PYM1: variants seen among roughly 807,000 people sequenced by gnomAD.
The protein encoded by PYM1 is PYM1 exon junction complex associated factor, also known as partner of Y14 and mago.
In PYM1, 7 loss-of-function variants were observed where a neutral mutation model predicts 20.7. The observed-to-expected ratio is 0.34, with a 90% CI of 0.19 to 0.64. The LOEUF (loss-of-function observed/expected upper bound fraction) is 0.64. Among genes scored for constraint, PYM1 ranks in the 30% least tolerant of loss-of-function variants. PYM1 has a pLI of 0.74. For missense variants in PYM1, 194 were observed against 250.0 expected, an observed-to-expected ratio of 0.78 and a Z score of 1.51; for synonymous variants, 100 against 99.2, an observed-to-expected ratio of 1.01 and a Z score of -0.05.
chr12:55,911,358 C>T (rs1403240989), intron 1 of PYM1, among the ~76,000 whole-genome samples: 4 of 151,940 alleles, frequency 2.6e-5, no homozygotes, highest in African/African-American at 7.2e-5. Flanking sequence ...GTGATCCACC[C>T]GCCTCGGCCT....
intron 1 of PYM1, among the ~76,000 whole-genome samples, chr12:55,920,871 T>C (rs868279642): frequency 6.6e-6 from 1 of 152,212 alleles, no homozygotes; most frequent in Non-Finnish European, 1.5e-5. Context: ...CTCATAAGGC[T>C]AAATGAAAAG....
At chr12:55,915,213 T>TAAAAAAA (rs1174981358) in intron 1 of PYM1, among the ~76,000 whole-genome samples, 21 of 48,948 alleles carry the variant, frequency 4.3e-4, no homozygotes, top group African/African-American at 1.0e-3. Flanking sequence ...AGACTCTGCC[T>TAAAAAAA]AAAAAAAAAA....
At position 55,902,112 on chromosome 12, in the gene PYM1, G is replaced by A; in HGVS notation, c.375C>T (p.Pro125=). Residue 125 remains proline (P), a synonymous_variant, in exon 3 of 3, where the codon CCC becomes CCT. Transcript: ENST00000408946. ...CTGCCCGAGAGCCCTGTGGAGCACT[G>A]GGGAGTTGGGCTGTCTCTTCCAGGG... ...KVSLEETAQL[P]SAPQGSRAAP... is the part of the protein sequence containing the mutation. The A allele has an allele frequency of 2.5e-6, 4 of 1,614,098 alleles. No homozygotes were observed. The highest frequency in any genetic ancestry group is 1.3e-5 in the African/African-American group (1 of 75,030).
chr12:55,927,058 C>T (rs777845648), intron 1 of PYM1: 3 of 1,491,356 alleles, frequency 2.0e-6, no homozygotes, highest in African/African-American at 1.4e-5. Context: ...GAAGCGGCTC[C>T]GCGCCTCCCG....
chr12:55,910,252 CATAT>C (rs71074876), intron 1 of PYM1, among the ~76,000 whole-genome samples: 12,633 of 142,150 alleles, frequency 0.089, 638 homozygotes, highest in Non-Finnish European at 0.12. Flanking sequence ...TGGTTTTATA[CATAT>C]ATATATATAT....
intron 1 of PYM1, among the ~76,000 whole-genome samples, chr12:55,904,610 A>T (rs1050869471): frequency 1.4e-5 from 2 of 146,104 alleles, no homozygotes; most frequent in Non-Finnish European, 3.0e-5. Flanking sequence ...AAAAAAAAAA[A>T]AAAAAAAAAG....
chr12:55,923,869 A>C (rs972501945), intron 1 of PYM1, among the ~76,000 whole-genome samples: 1 of 152,060 alleles, frequency 6.6e-6, no homozygotes. Flanking sequence ...CGAGGTCAGG[A>C]GTTCGAGGCC....
chr12:55,902,459 T>C, intron 2 of PYM1, 104 bp from the exon 3 acceptor site: 1 of 1,452,608 alleles, frequency 6.9e-7, no homozygotes. Context: ...CTTGCTTCCT[T>C]TTTTTGTTGT....
Position 55,901,856 on chromosome 12 carries a change from C to T in PYM1, c.*16G>A. ...CACGGTTTGTTCTGCAGTCCATTCC[C>T]TATTCCCCAAAGGCCTCAGAGGCCT... On this transcript the variant is annotated 3_prime_UTR_variant, in exon 3 of 3. Coordinates refer to ENST00000408946, the MANE Select transcript of PYM1 (RefSeq NM_032345.3). 1.9e-6 allele frequency: 3 copies of T among 1,589,062 alleles called. No homozygotes were observed. Among genetic ancestry groups the T allele is most frequent in the Non-Finnish European group, 2.6e-6 (3 of 1,169,374 alleles).
chr12:55,910,800 G>T (rs1430258338), intron 1 of PYM1, among the ~76,000 whole-genome samples: 1 of 152,154 alleles, frequency 6.6e-6, no homozygotes, highest in East Asian at 1.9e-4. Context: ...AAATACATTG[G>T]TTTGGTTCAG....
intron 1 of PYM1, among the ~76,000 whole-genome samples, chr12:55,910,252 C>CATATATATATATATATATAT (rs71074876): frequency 1.7e-4 from 24 of 142,762 alleles, no homozygotes; most frequent in African/African-American, 6.1e-4. Flanking sequence ...TGGTTTTATA[C>CATATATATATATATATATAT]ATATATATAT....
intron 1 of PYM1, chr12:55,927,300 T>TTA: frequency 1.1e-6 from 1 of 870,646 alleles, no homozygotes; most frequent in Non-Finnish European, 1.9e-6. Context: ...GCCGTGGGCT[T>TTA]TTTACTGCCA....
At chr12:55,904,241 A>G (rs1397750850) in intron 1 of PYM1, among the ~76,000 whole-genome samples, 1 of 150,710 alleles carries the variant, frequency 6.6e-6, no homozygotes, top group African/African-American at 2.4e-5. Flanking sequence ...TGCTGGGATT[A>G]TAGGCATGAG....
chr12:55,921,854 T>C (rs926680613), intron 1 of PYM1, among the ~76,000 whole-genome samples: 1 of 151,868 alleles, frequency 6.6e-6, no homozygotes, highest in African/African-American at 2.4e-5. Context: ...AAGAAAAAAA[T>C]CTCCTGGGCA....
In PYM1 at chr12:55,901,892, C is replaced by T. The variant is rs367663912; in HGVS notation, c.595G>A (p.Asp199Asn). 6.2e-7 allele frequency: 1 copy of T among 1,611,378 alleles called. No homozygotes were observed. Among genetic ancestry groups the T allele is most frequent in the Non-Finnish European group, 8.5e-7 (1 of 1,179,014 alleles). Residue 199 changes from aspartate (D) to asparagine (N), a missense_variant, in exon 3 of 3, where the codon GAC becomes AAC. Around this residue, in one of 3 missense-constraint regions of PYM1, gnomAD observed 158 missense variants for 179.0 expected, o/e 0.88. Transcript: ENST00000408946. ...AGGCCTCAGAGGCCTAACTCCAAGT[C>T]CTCTAACTCCTCTTCTAGCGCCCTC... is the stretch of plus-strand genomic sequence containing the variant. ...RRRALEEELE[D>N]LELGL
At chr12:55,904,537 A>T (rs889934004) in intron 1 of PYM1, among the ~76,000 whole-genome samples, 1 of 142,922 alleles carries the variant, frequency 7.0e-6, no homozygotes, top group Non-Finnish European at 1.5e-5. Flanking sequence ...CGGACATTGC[A>T]GTGGGCAGAG....
Position 55,901,711 on chromosome 12 carries a change from T to C in PYM1, c.*161A>G, listed in dbSNP as rs1882690764. ...AGAAGTTGGGAAGAAAAGGGAAGGA[T>C]TGAGGGAGACGCTAGGCTCTGGAGG... is the stretch of plus-strand genomic sequence containing the variant. On this transcript the variant is annotated 3_prime_UTR_variant, in exon 3 of 3. Coordinates refer to ENST00000408946, the MANE Select transcript of PYM1 (RefSeq NM_032345.3). 5.8e-6 allele frequency: 6 copies of C among 1,036,540 alleles called. No individual in the cohort carries two copies. The highest frequency in any genetic ancestry group is 8.3e-6 in the Non-Finnish European group (6 of 720,202). The allele number at this position is 1,036,540 out of a possible 1,614,324, so 64.2% of individuals were successfully genotyped here.
At chr12:55,902,917 G>A (rs1275560962) in intron 2 of PYM1, among the ~76,000 whole-genome samples, 1 of 152,176 alleles carries the variant, frequency 6.6e-6, no homozygotes, top group Non-Finnish European at 1.5e-5. Flanking sequence ...ACAGGCTCGT[G>A]CCACCACGCC....
chr12:55,922,610 C>T (rs1398725594), intron 1 of PYM1, among the ~76,000 whole-genome samples: 1 of 151,484 alleles, frequency 6.6e-6, no homozygotes, highest in Non-Finnish European at 1.5e-5. Context: ...GAGGGAAGAC[C>T]CTGTCTCAAA....
Sources: gnomAD v4.1 joint callset for allele counts (sites outside exome capture counted in the v4.1 genomes callset) on GRCh38, gnomAD v4.1.1 for gene constraint, gnomAD v4.1.1 regional missense constraint, MANE v1.5 for transcripts, NCBI Gene and HGNC (gene_info 2026-07-23, HGNC 2026-07-21) for gene names.